The following IFT140 variants were observed in gnomAD, a reference collection of about 807,000 sequenced individuals.
The protein encoded by IFT140 is intraflagellar transport protein 140 homolog.
A neutral mutation model predicts 164.6 loss-of-function variants in IFT140; 133 were observed. The observed-to-expected ratio is 0.81, with a 90% CI of 0.70 to 0.93. The LOEUF (loss-of-function observed/expected upper bound fraction) is 0.93. Ranked by LOEUF, IFT140 falls within the 40% of genes least tolerant of loss-of-function variation. The pLI is 0.00. For synonymous variants in IFT140, 860 were observed against 817.3 expected (o/e 1.05, Z -0.89); for missense variants, 2,045 against 1,972.3 (o/e 1.04, Z -0.70).
rs148131225 is a variant in IFT140, at chr16:1,529,243, T to C, written c.2400-2447A>G. On this transcript the variant is annotated intron_variant, in intron 19 of 30. Transcript: ENST00000426508. ...GCAACCAACCTGGCAGCCCCTGCCA[T>C]GTGGCACAGTCATGCCTGGAGCCAG... 9.9e-3 allele frequency among the ~76,000 whole-genome samples: 1,511 copies of C among 152,336 alleles called. 14 individuals carry two copies. The highest frequency in any genetic ancestry group is 0.014 in the Non-Finnish European group (963 of 68,018).
At chr16:1,538,509 C>T (rs1231904113) in intron 19 of IFT140, among the ~76,000 whole-genome samples, 1 of 152,188 alleles carries the variant, frequency 6.6e-6, no homozygotes, top group Non-Finnish European at 1.5e-5. Flanking sequence ...TGCATCCCTC[C>T]TCCCCCTTCA....
rs2032683963 is a variant in IFT140 at position 1,551,982 on chromosome 16, G to A, written c.2399+5953C>T. On this transcript the variant is annotated intron_variant, in intron 19 of 30. Transcript: ENST00000426508. The surrounding 1 kb of genome is among the most constrained non-coding windows in gnomAD (Gnocchi z 4.0). ...CCCGCGCTGTCCCCCTGCAATGACG[G>A]TACCTCCAGGTCCCCTATGTGTGGA... 6.6e-6 allele frequency among the ~76,000 whole-genome samples: 1 copy of A among 152,112 alleles called. No individual in the cohort carries two copies. The highest frequency in any genetic ancestry group is 6.5e-5 in the Admixed American group (1 of 15,270).
At chr16:1,605,360 C>T (rs571025979) in intron 3 of IFT140, among the ~76,000 whole-genome samples, 43 of 152,184 alleles carry the variant, frequency 2.8e-4, no homozygotes, top group Non-Finnish European at 4.7e-4. Context: ...CAATAGGGAG[C>T]CTGCAGAGGG....
At position 1,516,638 on chromosome 16, in the gene IFT140, C is replaced by T. The variant is rs560676077; in HGVS notation, c.4182+1578G>A. 6.9e-3 allele frequency among the ~76,000 whole-genome samples: 1,053 copies of T among 151,760 alleles called. 6 individuals are homozygous for T. The highest frequency in any genetic ancestry group is 0.011 in the Non-Finnish European group (724 of 67,904). ...CAAAAAAATTATCTGGGCGTGGTGG[C>T]GGGCGCCTGTAGTCCCAGCTACTCG... is the stretch of plus-strand genomic sequence containing the variant. On this transcript the variant is annotated intron_variant, in intron 30 of 30. Coordinates refer to ENST00000426508, the MANE Select transcript of IFT140 (RefSeq NM_014714.4).
At chr16:1,607,387 C>G in intron 2 of IFT140, 90 bp from the exon 3 acceptor site, 1 of 1,166,718 alleles carries the variant, frequency 8.6e-7, no homozygotes, top group South Asian at 1.6e-5. Flanking sequence ...GGAAGCATCC[C>G]AAAGCCACCA....
chr16:1,594,607 A>C (rs1235283025), intron 4 of IFT140, among the ~76,000 whole-genome samples: 1 of 152,198 alleles, frequency 6.6e-6, no homozygotes, highest in African/African-American at 2.4e-5. Context: ...TAAGAAGTGA[A>C]GTCCTCGTGC....
At chr16:1,581,521 G>A (rs532286447) in intron 12 of IFT140, among the ~76,000 whole-genome samples, 2 of 151,616 alleles carry the variant, frequency 1.3e-5, no homozygotes, top group African/African-American at 4.8e-5. Context: ...AATCGCTTGA[G>A]CCCAGGAGAT....
intron 19 of IFT140, among the ~76,000 whole-genome samples, chr16:1,536,273 C>A (rs938982952): frequency 4.6e-5 from 7 of 152,310 alleles, no homozygotes; most frequent in Admixed American, 4.6e-4. Context: ...CCGCGTGTAG[C>A]CTCTGGCACG....
intron 24 of IFT140, 154 bp from the exon 25 acceptor site, chr16:1,524,110 T>TA: frequency 1.0e-6 from 1 of 984,190 alleles, no homozygotes; most frequent in East Asian, 2.6e-5. Context: ...GCTGATGACT[T>TA]ACTGGGTTTG....
Position 1,580,799 on chromosome 16 carries a change from T to C in IFT140, c.1484A>G (p.Tyr495Cys), listed in dbSNP as rs1400450439. 5.0e-6 allele frequency: 8 copies of C among 1,614,052 alleles called. No homozygotes were observed. In the South Asian group the frequency reaches 8.8e-5, roughly 18 times the overall value. Residue 495 changes from tyrosine (Y) to cysteine (C), a missense_variant, in exon 13 of 31, where the codon TAC becomes TGC. Coordinates refer to ENST00000426508, the MANE Select transcript of IFT140 (RefSeq NM_014714.4). ...PVLAMHEENV[Y>C]TVESNRVQVR... ...TTGAACTCGGTTTGACTCCACCGTGTAAACGTTTTCTTCATGCATTGCTAA... is the reference window on the plus strand; with the variant it reads ...TTGAACTCGGTTTGACTCCACCGTGCAAACGTTTTCTTCATGCATTGCTAA...
At position 1,607,232 on chromosome 16, in the gene IFT140, G is replaced by A. The variant is rs542803163; in HGVS notation, c.35C>T (p.Pro12Leu). Residue 12 changes from proline to leucine, a missense_variant, in exon 3 of 31, where the codon CCG becomes CTG. Coordinates refer to ENST00000426508, the MANE Select transcript of IFT140 (RefSeq NM_014714.4). ...ALYYDHQIEA[P>L]DAAGSPSFIS... ...AAATGAGGGTGACCCTGCTGCATCCGGGGCTTCTATCTGGTGGTCATAATA... is the reference window on the plus strand; with the variant it reads ...AAATGAGGGTGACCCTGCTGCATCCAGGGCTTCTATCTGGTGGTCATAATA... The A allele has an allele frequency of 1.6e-5, 26 of 1,614,116 alleles. No homozygotes were observed. Among genetic ancestry groups the A allele is most frequent in the Admixed American group, 1.3e-4 (8 of 60,020 alleles).
intron 18 of IFT140, among the ~76,000 whole-genome samples, chr16:1,561,463 A>G (rs977294046): frequency 3.3e-5 from 5 of 152,164 alleles, no homozygotes; most frequent in Admixed American, 1.3e-4. Context: ...GGGTGTCCAG[A>G]AGCCAGAACC....
intron 4 of IFT140, 106 bp from the exon 5 acceptor site, chr16:1,592,694 C>A: frequency 1.3e-6 from 2 of 1,491,010 alleles, no homozygotes; most frequent in Non-Finnish European, 1.8e-6. Context: ...GGTGTCCCGG[C>A]AGAGCGACTG....
At chr16:1,596,842 C>T (rs2035488979) in intron 4 of IFT140, among the ~76,000 whole-genome samples, 1 of 152,030 alleles carries the variant, frequency 6.6e-6, no homozygotes, top group African/African-American at 2.4e-5. Flanking sequence ...GTCTCCTCCG[C>T]CTTCATTTTT....
chr16:1,534,374 G>C, intron 19 of IFT140: 1 of 1,612,884 alleles, frequency 6.2e-7, no homozygotes, highest in African/African-American at 1.3e-5. Flanking sequence ...GGGTGTGCCA[G>C]ACGCTGGAGG....
intron 15 of IFT140, among the ~76,000 whole-genome samples, chr16:1,566,762 T>C (rs1010492574): frequency 7.2e-5 from 11 of 152,026 alleles, no homozygotes; most frequent in Non-Finnish European, 1.3e-4. Flanking sequence ...GTGCTTTCTC[T>C]CTCTTTTGGG....
Position 1,520,253 on chromosome 16 carries a change from C to T in IFT140, c.3751G>A (p.Ala1251Thr). Residue 1251 changes from alanine to threonine, a missense_variant, in exon 28 of 31, where the codon GCT becomes ACT. Transcript: ENST00000426508. Reference protein sequence around the residue: ...SRQKEIYIMAANYLQSLDWRK... With the variant: ...SRQKEIYIMATNYLQSLDWRK... ...CAGTCCAGGGACTGCAGGTAGTTAG[C>T]AGCCATGATGTAGATTTCCTTCTGC... 1 of 1,614,248 alleles carries T rather than the reference C, an allele frequency of 6.2e-7. No individual in the cohort carries two copies. Among genetic ancestry groups the T allele is most frequent in the Non-Finnish European group, 8.5e-7 (1 of 1,180,036 alleles).
Position 1,531,001 on chromosome 16 carries a change from G to A in IFT140, c.2400-4205C>T, listed in dbSNP as rs889071399. The A allele has an allele frequency of 4.6e-5, 7 of 152,410 alleles. No individual in the cohort carries two copies. Among genetic ancestry groups the A allele is most frequent in the Admixed American group, 2.0e-4 (3 of 15,308 alleles). 9.4% of individuals were successfully genotyped at this position (152,410 alleles called of 1,614,324 possible). ...GGGCGGTCACAGACCCGCCAGAAGC[G>A]TCCAGACCCAGGCGCTCTCTGCAAG... On this transcript the variant is annotated intron_variant, in intron 19 of 30. Transcript: ENST00000426508. This position sits in a 1 kb window ranked among gnomAD's most constrained non-coding sequence, Gnocchi z 4.7.
At chr16:1,512,162 TGGG>T (rs1375832513) in intron 30 of IFT140, among the ~76,000 whole-genome samples, 3 of 48,178 alleles carry the variant, frequency 6.2e-5, no homozygotes, top group Non-Finnish European at 1.1e-4. Context: ...TGAGGGGTGG[TGGG>T]GGGCAGGATG....
Sources: allele counts gnomAD v4.1 joint callset (sites outside exome capture counted in the v4.1 genomes callset), GRCh38; gene constraint gnomAD v4.1.1; non-coding constraint Gnocchi (gnomAD v3.1); transcripts MANE v1.5; gene names NCBI Gene and HGNC (gene_info 2026-07-23, HGNC 2026-07-21).